Variants in PRKAR1A observed in about 807,000 individuals in gnomAD.
PRKAR1A encodes protein kinase cAMP-dependent type I regulatory subunit alpha.
In PRKAR1A, 3 loss-of-function variants were observed where a neutral mutation model predicts 52.0. The observed-to-expected ratio is 0.06, with a 90% CI of 0.03 to 0.15. The LOEUF (loss-of-function observed/expected upper bound fraction) is 0.15. Ranked by LOEUF, PRKAR1A falls within the 10% of genes least tolerant of loss-of-function variation. The pLI, the probability that PRKAR1A is intolerant of heterozygous loss-of-function variation, is 1.00. For synonymous variants in PRKAR1A, 188 were observed against 168.4 expected (o/e 1.12, Z -0.90); for missense variants, 240 against 477.4 (o/e 0.50, Z 4.63).
At chr17:68,534,797 C>T (rs968423456), downstream of PRKAR1A, among the ~76,000 whole-genome samples, 1 of 152,126 alleles carries the variant, frequency 6.6e-6, no homozygotes, top group African/African-American at 2.4e-5. Context: ...GTGTCTTAAA[C>T]ATGCGTTAAC....
chr17:68,456,878 T>C, the PRKAR1A span, among the ~76,000 whole-genome samples: 2 of 152,190 alleles, frequency 1.3e-5, no homozygotes, highest in Non-Finnish European at 2.9e-5. Context: ...GTTGAGATGC[T>C]CAAGGACAAA....
At chr17:68,523,004 A>G (rs776341829) in intron 3 of PRKAR1A, 78 bp downstream of exon 3, 27 of 1,544,478 alleles carry the variant, frequency 1.7e-5, no homozygotes, top group Non-Finnish European at 2.3e-5. Flanking sequence ...TGATGAATGA[A>G]TCATAAAATA....
At chr17:68,475,348 G>A in the PRKAR1A span, among the ~76,000 whole-genome samples, 369 of 152,344 alleles carry the variant, frequency 2.4e-3, no homozygotes, top group Non-Finnish European at 4.1e-3. Flanking sequence ...ACAACCCCTT[G>A]TGTAAAGCAT....
intron 6 of PRKAR1A, among the ~76,000 whole-genome samples, chr17:68,525,170 T>A (rs919673932): frequency 6.6e-6 from 1 of 151,802 alleles, no homozygotes; most frequent in Non-Finnish European, 1.5e-5. Context: ...TGAAGAAGTG[T>A]GTGTAGCTGG....
At chr17:68,482,004 T>A in the PRKAR1A span, among the ~76,000 whole-genome samples, 252 of 152,296 alleles carry the variant, frequency 1.7e-3, 1 homozygote, top group African/African-American at 5.6e-3. Flanking sequence ...ATCCAGTGGG[T>A]GGAACCAGAG....
At chr17:68,480,770 G>T in the PRKAR1A span, among the ~76,000 whole-genome samples, 1 of 152,092 alleles carries the variant, frequency 6.6e-6, no homozygotes, top group African/African-American at 2.4e-5. Flanking sequence ...GGCTGGTCTC[G>T]AACTTCTGGA....
At chr17:68,512,796 C>G (rs1215217251) in intron 1 of PRKAR1A, 1 of 152,036 alleles carries the variant, frequency 6.6e-6, no homozygotes, top group Non-Finnish European at 1.5e-5. Flanking sequence ...CCCGCTCGCG[C>G]TCGCTGCCCC....
the PRKAR1A span, among the ~76,000 whole-genome samples, chr17:68,489,299 ATATATATATATGGAAAG>A: frequency 1.8e-3 from 149 of 84,950 alleles, no homozygotes; most frequent in East Asian, 3.7e-3. Context: ...TGGAAAGTAT[ATATATATATATGGAAAG>A]TATATATATA....
chr17:68,536,097 G>A (rs2086089284), downstream of PRKAR1A: 2 of 454,092 alleles, frequency 4.4e-6, no homozygotes, highest in Non-Finnish European at 8.8e-6. Flanking sequence ...AAGTCCAGGG[G>A]CAGCATACCA....
the PRKAR1A span, among the ~76,000 whole-genome samples, chr17:68,482,243 G>A: frequency 1.3e-5 from 2 of 152,186 alleles, no homozygotes; most frequent in Admixed American, 1.3e-4. Flanking sequence ...GTCTTTATTG[G>A]CAATTTACTA....
the PRKAR1A span, chr17:68,426,247 A>AGGG: frequency 1.1e-5 from 7 of 655,810 alleles, 2 homozygotes; most frequent in South Asian, 1.7e-5. Flanking sequence ...GCGGGTGGGG[A>AGGG]GCGGGGGCTC....
the PRKAR1A span, among the ~76,000 whole-genome samples, chr17:68,419,192 C>T: frequency 6.6e-6 from 1 of 152,042 alleles, no homozygotes; most frequent in Admixed American, 6.6e-5. Context: ...CTTGATTCAC[C>T]AATTGGTAGT....
chr17:68,529,851 G>A lies in PRKAR1A; in HGVS notation c.892-69G>A, dbSNP rs145930467. 1.3e-4 allele frequency: 189 copies of A among 1,424,822 alleles called. 1 individual carries two copies. In the African/African-American group the frequency reaches 2.5e-3, roughly 19 times the overall value. 88.3% of individuals were successfully genotyped at this position (1,424,822 alleles called of 1,614,324 possible). A position where few individuals can be genotyped will look rare whatever the true frequency, so the allele number is the denominator to read the frequency against. ...TTTGCAAGGTAGTTAAAATTGCATA[G>A]GATGTTTAAGGTGCCACCCTGGGTT... is the stretch of plus-strand genomic sequence containing the variant. On this transcript the variant is annotated intron_variant, in intron 9 of 10. Coordinates refer to ENST00000589228, the MANE Select transcript of PRKAR1A (RefSeq NM_002734.5).
chr17:68,427,926 G>A, the PRKAR1A span, among the ~76,000 whole-genome samples: 1 of 151,984 alleles, frequency 6.6e-6, no homozygotes, highest in South Asian at 2.1e-4. Context: ...GTCTCACTCT[G>A]TTGCCCAGGC....
the PRKAR1A span, among the ~76,000 whole-genome samples, chr17:68,458,435 C>G: frequency 6.6e-6 from 1 of 152,160 alleles, no homozygotes; most frequent in Non-Finnish European, 1.5e-5. Flanking sequence ...GTTTTCTAAC[C>G]AGGACAGAAA....
At chr17:68,455,291 G>A in the PRKAR1A span, among the ~76,000 whole-genome samples, 1 of 149,912 alleles carries the variant, frequency 6.7e-6, no homozygotes, top group Non-Finnish European at 1.5e-5. Context: ...TGAACCCTGG[G>A]AGGCAGAGGC....
Position 68,524,949 on chromosome 17 carries a change from A to G in PRKAR1A, c.540A>G (p.Gly180=), listed in dbSNP as rs764279365. ...ATAACTTCTATGTGATTGATCAAGGAGAGACGGATGTAAGATTTACCAATA... is the reference window on the plus strand; with the variant it reads ...ATAACTTCTATGTGATTGATCAAGGGGAGACGGATGTAAGATTTACCAATA... ...EGDNFYVIDQ[G]ETDVYVNNEW... Residue 180 remains glycine, a synonymous_variant, in exon 6 of 11, where the codon GGA becomes GGG. Transcript: ENST00000589228. 1 of 1,609,652 alleles carries G rather than the reference A, an allele frequency of 6.2e-7. No individual in the cohort carries two copies. Among genetic ancestry groups the G allele is most frequent in the Non-Finnish European group, 8.5e-7 (1 of 1,176,076 alleles).
At chr17:68,453,000 G>T in the PRKAR1A span, 1 of 1,608,072 alleles carries the variant, frequency 6.2e-7, no homozygotes, top group Non-Finnish European at 8.5e-7. Context: ...GATCTGTGGA[G>T]GATAATGACA....
the PRKAR1A span, among the ~76,000 whole-genome samples, chr17:68,483,688 C>G: frequency 6.6e-6 from 1 of 151,732 alleles, no homozygotes; most frequent in East Asian, 1.9e-4. Flanking sequence ...ATGGAGAAAC[C>G]CTATCTCTAC....
Sources: allele counts gnomAD v4.1 joint callset (sites outside exome capture counted in the v4.1 genomes callset), GRCh38; gene constraint gnomAD v4.1.1; transcripts MANE v1.5; gene names NCBI Gene and HGNC (gene_info 2026-07-23, HGNC 2026-07-21).